Variants in PARD3B observed in about 807,000 individuals in gnomAD.
The protein encoded by PARD3B is par-3 family cell polarity regulator beta.
Under a neutral mutation model 130.2 loss-of-function variants are expected in PARD3B, and 103 were observed. The observed-to-expected ratio is 0.79, with a 90% CI of 0.67 to 0.93. PARD3B has a LOEUF of 0.93. Among genes scored for constraint, PARD3B ranks in the 40% least tolerant of loss-of-function variants. PARD3B has a pLI of 0.00. For missense variants in PARD3B, 1,609 were observed against 1,499.2 expected (o/e 1.07, Z -1.21); for synonymous variants, 583 against 553.2 (o/e 1.05, Z -0.76).
intron 1 of PARD3B, among the ~76,000 whole-genome samples, chr2:204,616,319 C>G (rs1195434923): frequency 6.6e-6 from 1 of 152,098 alleles, no homozygotes; most frequent in South Asian, 2.1e-4. Context: ...AAGACCTGAA[C>G]AGACACCTCA....
intron 2 of PARD3B, among the ~76,000 whole-genome samples, chr2:204,807,028 G>A (rs559705700): frequency 2.0e-5 from 3 of 152,256 alleles, no homozygotes; most frequent in South Asian, 2.1e-4. Flanking sequence ...TGCAGAAGGC[G>A]AAGGAGGAGC....
rs1379150658 is a variant in PARD3B at position 205,590,747 on chromosome 2, G to A, written c.3261-24709G>A. Among the ~76,000 whole-genome samples, 2 of 152,158 alleles carry A rather than the reference G, an allele frequency of 1.3e-5. No homozygotes were observed. The highest frequency in any genetic ancestry group is 1.5e-5 in the Non-Finnish European group (1 of 68,038). The stretch of plus-strand genomic sequence containing the variant: ...AAGGAAAGATAGGATCAAGGATGAA[G>A]GAGAAAAGTAGAAGCTGTTGCCACA... On this transcript the variant is annotated intron_variant, in intron 22 of 22. Transcript: ENST00000406610. This position sits in a 1 kb window ranked among gnomAD's most constrained non-coding sequence, Gnocchi z 4.1.
At chr2:205,153,418 A>G (rs1205419284) in intron 10 of PARD3B, among the ~76,000 whole-genome samples, 1 of 152,240 alleles carries the variant, frequency 6.6e-6, no homozygotes, top group East Asian at 1.9e-4. Context: ...ATGGAAGAAC[A>G]TTCCATGCTC....
At chr2:205,532,099 T>TC (rs1413243056) in intron 21 of PARD3B, among the ~76,000 whole-genome samples, 2 of 152,176 alleles carry the variant, frequency 1.3e-5, no homozygotes, top group Non-Finnish European at 2.9e-5. Context: ...TTCTGAGTGT[T>TC]CCTTTGTGAT....
Position 205,401,073 on chromosome 2 carries a change from T to C in PARD3B, c.2691T>C (p.His897=). Residue 897 remains histidine, a synonymous_variant, in exon 19 of 23, where the codon CAT becomes CAC. Transcript: ENST00000406610. The part of the protein sequence containing the change: ...GKAEQKGTLK[H]GGLREEELEK... ...CTGAGCAGAAAGGTACTCTGAAACATGGTGGCCTGAGAGAAGAAGAGCTGG... is the reference window on the plus strand; with the variant it reads ...CTGAGCAGAAAGGTACTCTGAAACACGGTGGCCTGAGAGAAGAAGAGCTGG... The C allele has an allele frequency of 6.2e-7, 1 of 1,603,760 alleles. No individual in the cohort carries two copies. The highest frequency in any genetic ancestry group is 8.5e-7 in the Non-Finnish European group (1 of 1,175,308).
intron 19 of PARD3B, among the ~76,000 whole-genome samples, chr2:205,419,314 C>T (rs751287237): frequency 1.0e-4 from 2 of 19,510 alleles, no homozygotes; most frequent in South Asian, 4.5e-3. Flanking sequence ...TAAGATGTGA[C>T]TTGTTCCTTC....
intron 1 of PARD3B, among the ~76,000 whole-genome samples, chr2:204,551,942 G>A (rs1321278096): frequency 6.6e-6 from 1 of 152,192 alleles, no homozygotes; most frequent in African/African-American, 2.4e-5. Flanking sequence ...GGGATGAAGA[G>A]ATGTTCTAGA....
chr2:204,986,212 A>G (rs1362604625), intron 3 of PARD3B, among the ~76,000 whole-genome samples: 1 of 151,106 alleles, frequency 6.6e-6, no homozygotes, highest in East Asian at 1.9e-4. Flanking sequence ...TACTTCACTT[A>G]GACCTGTGTG....
chr2:205,577,624 T>C (rs138786971), intron 22 of PARD3B, among the ~76,000 whole-genome samples: 15 of 152,354 alleles, frequency 9.8e-5, no homozygotes, highest in Admixed American at 3.9e-4. Context: ...GGGTAACATG[T>C]ATTTAACTAT....
At chr2:204,958,124 T>G (rs1202619788) in intron 2 of PARD3B, among the ~76,000 whole-genome samples, 1 of 152,178 alleles carries the variant, frequency 6.6e-6, no homozygotes, top group East Asian at 1.9e-4. Flanking sequence ...AAAAATGCCA[T>G]TATAAATACA....
chr2:205,384,702 T>C (rs2045599613), intron 18 of PARD3B, among the ~76,000 whole-genome samples: 1 of 152,122 alleles, frequency 6.6e-6, no homozygotes, highest in African/African-American at 2.4e-5. Context: ...CATACATGGA[T>C]AGGTATACAT....
chr2:204,879,392 G>A (rs927400677), intron 2 of PARD3B, among the ~76,000 whole-genome samples: 1 of 152,148 alleles, frequency 6.6e-6, no homozygotes, highest in Non-Finnish European at 1.5e-5. Context: ...AATCTTTAAG[G>A]TATCAACTGA....
chr2:205,044,800 A>G (rs1056381930), intron 3 of PARD3B, among the ~76,000 whole-genome samples: 3 of 152,088 alleles, frequency 2.0e-5, no homozygotes, highest in African/African-American at 7.2e-5. Flanking sequence ...GAAGCTCTTT[A>G]GTTTAATTAG....
chr2:205,349,800 C>CTTTTTT (rs11417800), intron 18 of PARD3B, among the ~76,000 whole-genome samples: 2 of 102,250 alleles, frequency 2.0e-5, no homozygotes, highest in Admixed American at 1.1e-4. Flanking sequence ...TTCTTTTTCT[C>CTTTTTT]TTTTTTTTTT....
chr2:205,380,641 T>TTATATAAAGAATATATACAA lies in PARD3B; in HGVS notation c.2631-20355_2631-20354insCAATATATAAAGAATATATA, dbSNP rs1553498916. 4.6e-3 allele frequency among the ~76,000 whole-genome samples: 262 copies of TTATATAAAGAATATATACAA among 56,510 alleles called. 13 individuals are homozygous for TTATATAAAGAATATATACAA. Among genetic ancestry groups the TTATATAAAGAATATATACAA allele is most frequent in the African/African-American group, 0.03 (248 of 8,318 alleles). The allele number at this position is 56,510 out of a possible 152,430, so 37.1% of individuals were successfully genotyped here. A position where few individuals can be genotyped will look rare whatever the true frequency, so the allele number is the denominator to read the frequency against. On this transcript the variant is annotated intron_variant, in intron 18 of 22. Transcript: ENST00000406610. ...TATATTATATAAAGAATATTATATA[T>TTATATAAAGAATATATACAA]TATATAAAGAATATATATTATATAT...
intron 16 of PARD3B, among the ~76,000 whole-genome samples, chr2:205,277,551 G>C (rs143328053): frequency 6.6e-5 from 10 of 152,272 alleles, no homozygotes; most frequent in Non-Finnish European, 1.5e-4. Context: ...GTTAGGAAAG[G>C]CTTCCTGGTA....
At chr2:205,465,514 T>C (rs993669971) in intron 20 of PARD3B, among the ~76,000 whole-genome samples, 3 of 152,220 alleles carry the variant, frequency 2.0e-5, no homozygotes, top group East Asian at 3.8e-4. Flanking sequence ...TTTTCCCCTA[T>C]GTGTGTAAAG....
intron 2 of PARD3B, among the ~76,000 whole-genome samples, chr2:204,809,714 G>T (rs1033737092): frequency 1.3e-5 from 2 of 152,042 alleles, no homozygotes; most frequent in African/African-American, 4.8e-5. Context: ...GAATTGCCTT[G>T]GCTATTTGGC....
Position 204,708,227 on chromosome 2 carries a change from C to T in PARD3B, c.222+21945C>T, listed in dbSNP as rs374718793. ...GTCTCACCATGTTGCCCAGGCTGGT[C>T]TCAACTCCTAGCCTCCAGCGATCCT... On this transcript the variant is annotated intron_variant, in intron 2 of 22. Coordinates refer to ENST00000406610, the MANE Select transcript of PARD3B (RefSeq NM_001302769.2). Among the ~76,000 whole-genome samples, 28 of 152,138 alleles carry T rather than the reference C, an allele frequency of 1.8e-4. No homozygotes were observed. The East Asian group carries it at 5.2e-3, about 28-fold the overall frequency.
Sources: allele counts gnomAD v4.1 joint callset (sites outside exome capture counted in the v4.1 genomes callset), GRCh38; gene constraint gnomAD v4.1.1; non-coding constraint Gnocchi (gnomAD v3.1); transcripts MANE v1.5; gene names NCBI Gene and HGNC (gene_info 2026-07-23, HGNC 2026-07-21).